The following KCNQ1 variants were observed in gnomAD, a reference collection of about 807,000 sequenced individuals.
KCNQ1 encodes the protein potassium voltage-gated channel subfamily Q member 1.
A neutral mutation model predicts 72.4 loss-of-function variants in KCNQ1; 49 were observed. The observed-to-expected ratio is 0.68, with a 90% CI of 0.54 to 0.86. KCNQ1 has a LOEUF of 0.86. Ranked by LOEUF, KCNQ1 falls within the 40% of genes least tolerant of loss-of-function variation. The pLI, the probability that KCNQ1 is intolerant of heterozygous loss-of-function variation, is 0.00. For synonymous variants in KCNQ1, 450 were observed against 412.6 expected, an observed-to-expected ratio of 1.09 and a Z score of -1.10; for missense variants, 790 against 945.1, an observed-to-expected ratio of 0.84 and a Z score of 2.15.
chr11:2,778,120 T>C, intron 15 of KCNQ1, 83 bp downstream of exon 15: 2 of 1,356,292 alleles, frequency 1.5e-6, no homozygotes, highest in Non-Finnish European at 1.0e-6. Context: ...CGTGTGAACG[T>C]GAAGCTCCTG....
At position 2,612,771 on chromosome 11, in the gene KCNQ1, C is replaced by T. The variant is rs898027141; in HGVS notation, c.1393+23917C>T. On this transcript the variant is annotated intron_variant, in intron 10 of 15. Transcript: ENST00000155840. This position sits in a 1 kb window ranked among gnomAD's most constrained non-coding sequence, Gnocchi z 5.5. Reference sequence around the variant, plus strand: ...CTATTTATTGCTCATTATTCTTGTTCAAGGGTCACAATTTTCTGTTTCTTT... The same window carrying T: ...CTATTTATTGCTCATTATTCTTGTTTAAGGGTCACAATTTTCTGTTTCTTT... 7.5e-6 allele frequency: 3 copies of T among 398,370 alleles called. No individual in the cohort carries two copies. Among genetic ancestry groups the T allele is most frequent in the African/African-American group, 4.1e-5 (2 of 48,606 alleles). 24.7% of individuals were successfully genotyped at this position (398,370 alleles called of 1,614,324 possible). A position where few individuals can be genotyped will look rare whatever the true frequency, so the allele number is the denominator to read the frequency against.
chr11:2,715,534 G>A lies in KCNQ1; in HGVS notation c.1515-53310G>A, dbSNP rs373691652. Among the ~76,000 whole-genome samples the A allele has an allele frequency of 5.3e-5, 8 of 152,184 alleles. No individual in the cohort carries two copies. The highest frequency in any genetic ancestry group is 3.9e-4 in the East Asian group (2 of 5,162). On this transcript the variant is annotated intron_variant, in intron 11 of 15. Transcript: ENST00000155840. The surrounding 1 kb of genome is among the most constrained non-coding windows in gnomAD (Gnocchi z 4.9). ...AGCCAGGTAGACTTCGTTTCCAGCC[G>A]GAGTGTACCTGGGGATGCCTGTGCC...
In KCNQ1 at chr11:2,626,066, T is replaced by G. The variant is rs1849257312; in HGVS notation, c.1394-35895T>G. Reference sequence around the variant, plus strand: ...AAAATTTATCTAGTTTTACTTTTATTGCCTGTGCAAGTACAATTTATCTAT... The same window carrying G: ...AAAATTTATCTAGTTTTACTTTTATGGCCTGTGCAAGTACAATTTATCTAT... On this transcript the variant is annotated intron_variant, in intron 10 of 15. Coordinates refer to ENST00000155840, the MANE Select transcript of KCNQ1 (RefSeq NM_000218.3). This position sits in a 1 kb window ranked among gnomAD's most constrained non-coding sequence, Gnocchi z 4.0. 1 of 398,548 alleles carries G rather than the reference T, an allele frequency of 2.5e-6. No individual in the cohort carries two copies. Among genetic ancestry groups the G allele is most frequent in the African/African-American group, 2.1e-5 (1 of 48,646 alleles). 24.7% of individuals were successfully genotyped at this position (398,548 alleles called of 1,614,324 possible). A position where few individuals can be genotyped will look rare whatever the true frequency, so the allele number is the denominator to read the frequency against.
At chr11:2,505,234 T>C (rs1226039918) in intron 1 of KCNQ1, among the ~76,000 whole-genome samples, 1 of 152,192 alleles carries the variant, frequency 6.6e-6, no homozygotes, top group East Asian at 1.9e-4. Context: ...CCCTTTTTCT[T>C]TGATTCATTG....
intron 11 of KCNQ1, among the ~76,000 whole-genome samples, chr11:2,755,807 A>G (rs1241422488): frequency 1.3e-5 from 2 of 152,266 alleles, no homozygotes; most frequent in Non-Finnish European, 2.9e-5. Flanking sequence ...AACATGTATA[A>G]TGTATTTATA....
At position 2,537,008 on chromosome 11, in the gene KCNQ1, A is replaced by G. The variant is rs1376069150; in HGVS notation, c.477+8990A>G. On this transcript the variant is annotated intron_variant, in intron 2 of 15. Transcript: ENST00000155840. The surrounding 1 kb of genome is among the most constrained non-coding windows in gnomAD (Gnocchi z 5.2). ...AATTTCTCCTCTATGTAAGGACACC[A>G]GTCTTACTGGATTGGAGGCTACCCT... Among the ~76,000 whole-genome samples the G allele has an allele frequency of 6.6e-6, 1 of 151,872 alleles. No individual in the cohort carries two copies. The highest frequency in any genetic ancestry group is 1.5e-5 in the Non-Finnish European group (1 of 68,006).
chr11:2,661,312 G>A lies in KCNQ1; in HGVS notation c.1394-649G>A, dbSNP rs888348157. On this transcript the variant is annotated intron_variant, in intron 10 of 15. Transcript: ENST00000155840. This position sits in a 1 kb window ranked among gnomAD's most constrained non-coding sequence, Gnocchi z 5.9. ...TACTGATAGTGTCAACAGAGAGTGG[G>A]GAGTGATAAGGATCAGTATCCTGAG... The A allele has an allele frequency of 8.0e-5, 32 of 401,312 alleles. No individual in the cohort carries two copies. Among genetic ancestry groups the A allele is most frequent in the Non-Finnish European group, 4.4e-6 (1 of 227,720 alleles). The allele number at this position is 401,312 out of a possible 1,614,324, so 24.9% of individuals were successfully genotyped here.
In KCNQ1 at chr11:2,566,275, C is replaced by T. The variant is rs1848246196; in HGVS notation, c.478-4353C>T. ...GTAACAGGGCCACTTCCAGAACCAC[C>T]ACCATGCCCAGGTCATGTCTGTGCA... is the stretch of plus-strand genomic sequence containing the variant. On this transcript the variant is annotated intron_variant, in intron 2 of 15. Transcript: ENST00000155840. The surrounding 1 kb of genome is among the most constrained non-coding windows in gnomAD (Gnocchi z 6.7). Among the ~76,000 whole-genome samples, 1 of 152,214 alleles carries T rather than the reference C, an allele frequency of 6.6e-6. No individual in the cohort carries two copies. Among genetic ancestry groups the T allele is most frequent in the Non-Finnish European group, 1.5e-5 (1 of 68,038 alleles).
rs1347836893 is a variant in KCNQ1, at chr11:2,498,450, G to T, written c.387-29478G>T. On this transcript the variant is annotated intron_variant, in intron 1 of 15. Coordinates refer to ENST00000155840, the MANE Select transcript of KCNQ1 (RefSeq NM_000218.3). This position sits in a 1 kb window ranked among gnomAD's most constrained non-coding sequence, Gnocchi z 4.8. ...GCTTTGCTGTGCTTTGGTGAATTCT[G>T]CCCAGTCCAAGCCTCCCAGCCTCCT... Among the ~76,000 whole-genome samples the T allele has an allele frequency of 6.6e-6, 1 of 152,232 alleles. No homozygotes were observed. The highest frequency in any genetic ancestry group is 1.5e-5 in the Non-Finnish European group (1 of 68,054).
chr11:2,813,848 G>A lies in KCNQ1; in HGVS notation c.1795-33919G>A, dbSNP rs1847544189. On this transcript the variant is annotated intron_variant, in intron 15 of 15. Coordinates refer to ENST00000155840, the MANE Select transcript of KCNQ1 (RefSeq NM_000218.3). This position sits in a 1 kb window ranked among gnomAD's most constrained non-coding sequence, Gnocchi z 4.4. ...TGAGTGGCGGATGAGTAGGTAGATGGACGGGGAGCTGCAGGGAGGGAGGGT... is the reference window on the plus strand; with the variant it reads ...TGAGTGGCGGATGAGTAGGTAGATGAACGGGGAGCTGCAGGGAGGGAGGGT... Among the ~76,000 whole-genome samples, 1 of 152,122 alleles carries A rather than the reference G, an allele frequency of 6.6e-6. No homozygotes were observed. Among genetic ancestry groups the A allele is most frequent in the South Asian group, 2.1e-4 (1 of 4,822 alleles).
intron 2 of KCNQ1, among the ~76,000 whole-genome samples, chr11:2,548,099 G>A (rs1182447226): frequency 6.6e-6 from 1 of 152,208 alleles, no homozygotes; most frequent in East Asian, 1.9e-4. Flanking sequence ...GTGTGACTCA[G>A]ACTTAACGCC....
chr11:2,537,364 A>G lies in KCNQ1; in HGVS notation c.477+9346A>G, dbSNP rs1354780476. Among the ~76,000 whole-genome samples, 2 of 152,138 alleles carry G rather than the reference A, an allele frequency of 1.3e-5. No individual in the cohort carries two copies. Among genetic ancestry groups the G allele is most frequent in the Non-Finnish European group, 2.9e-5 (2 of 68,044 alleles). On this transcript the variant is annotated intron_variant, in intron 2 of 15. Coordinates refer to ENST00000155840, the MANE Select transcript of KCNQ1 (RefSeq NM_000218.3). This position sits in a 1 kb window ranked among gnomAD's most constrained non-coding sequence, Gnocchi z 5.2. ...AGGTTTGCCACGCTATTTATTTAGC[A>G]GGATAATTTTGGAAAGAGCAGTTGC...
At chr11:2,692,457 A>G (rs1239275763) in intron 11 of KCNQ1, 4 of 398,570 alleles carry the variant, frequency 1.0e-5, no homozygotes, top group Non-Finnish European at 1.8e-5. Flanking sequence ...GTCTTGCTTA[A>G]TCCTGCAGCT....
chr11:2,560,511 G>A (rs1352446943), intron 2 of KCNQ1, among the ~76,000 whole-genome samples: 5 of 106,160 alleles, frequency 4.7e-5, no homozygotes, highest in Non-Finnish European at 9.6e-5. Flanking sequence ...CTTGGGGGAC[G>A]GGGGAAGGTG....
Position 2,723,404 on chromosome 11 carries a change from A to G in KCNQ1, c.1515-45440A>G, listed in dbSNP as rs1053733615. Among the ~76,000 whole-genome samples the G allele has an allele frequency of 6.6e-6, 1 of 152,222 alleles. No individual in the cohort carries two copies. Among genetic ancestry groups the G allele is most frequent in the Non-Finnish European group, 1.5e-5 (1 of 68,032 alleles). On this transcript the variant is annotated intron_variant, in intron 11 of 15. Transcript: ENST00000155840. The surrounding 1 kb of genome is among the most constrained non-coding windows in gnomAD (Gnocchi z 4.2). The stretch of plus-strand genomic sequence containing the variant: ...GTCCCCATCTGTAAAGTGGGATGTG[A>G]CAATACCCTTCTTGCTGAATGGGCA...
intron 15 of KCNQ1, among the ~76,000 whole-genome samples, chr11:2,788,186 C>A (rs915941389): frequency 2.0e-5 from 3 of 152,048 alleles, no homozygotes; most frequent in Non-Finnish European, 4.4e-5. Context: ...TGCATCCCTG[C>A]AGACCCCTCC....
In KCNQ1 at chr11:2,663,531, G is replaced by A. The variant is rs1850007653; in HGVS notation, c.1514+1450G>A. ...GTATTGCCTCTTGGCTGTCCCCTCA[G>A]AGAGGGGACTGTCCCTTCTCATCCT... On this transcript the variant is annotated intron_variant, in intron 11 of 15. Transcript: ENST00000155840. This position sits in a 1 kb window ranked among gnomAD's most constrained non-coding sequence, Gnocchi z 5.2. 7.5e-6 allele frequency: 3 copies of A among 398,630 alleles called. No homozygotes were observed. In the East Asian group the frequency reaches 1.1e-4, roughly 14 times the overall value. 24.7% of individuals were successfully genotyped at this position (398,630 alleles called of 1,614,324 possible). A position where few individuals can be genotyped will look rare whatever the true frequency, so the allele number is the denominator to read the frequency against.
Position 2,614,252 on chromosome 11 carries a change from C to T in KCNQ1, c.1393+25398C>T, listed in dbSNP as rs771736476. ...CCACTATAGCTGCTGCTCTGGACTA[C>T]CTATTTCTGACATGTGTTCTCCATG... is the stretch of plus-strand genomic sequence containing the variant. On this transcript the variant is annotated intron_variant, in intron 10 of 15. Coordinates refer to ENST00000155840, the MANE Select transcript of KCNQ1 (RefSeq NM_000218.3). 1.0e-4 allele frequency: 41 copies of T among 398,456 alleles called. No individual in the cohort carries two copies. The highest frequency in any genetic ancestry group is 1.6e-4 in the Non-Finnish European group (36 of 226,062). The allele number at this position is 398,456 out of a possible 1,614,324, so 24.7% of individuals were successfully genotyped here. A position where few individuals can be genotyped will look rare whatever the true frequency, so the allele number is the denominator to read the frequency against.
rs968405222 is a variant in KCNQ1, at chr11:2,698,989, G to T, written c.1514+36908G>T. 5.0e-6 allele frequency: 2 copies of T among 398,444 alleles called. No homozygotes were observed. The highest frequency in any genetic ancestry group is 8.8e-5 in the Admixed American group (2 of 22,702). The allele number at this position is 398,444 out of a possible 1,614,324, so 24.7% of individuals were successfully genotyped here. The stretch of plus-strand genomic sequence containing the variant: ...AACCACAACGGGGATTCCCACCTCC[G>T]ATCCTAATTCGGGCCCTGACTCAGA... On this transcript the variant is annotated intron_variant, in intron 11 of 15. Transcript: ENST00000155840. The surrounding 1 kb of genome is among the most constrained non-coding windows in gnomAD (Gnocchi z 5.1).
Sources: allele counts gnomAD v4.1 joint callset (sites outside exome capture counted in the v4.1 genomes callset), GRCh38; gene constraint gnomAD v4.1.1; non-coding constraint Gnocchi (gnomAD v3.1); transcripts MANE v1.5; gene names NCBI Gene and HGNC (gene_info 2026-07-23, HGNC 2026-07-21).